Variants in SLC17A5 observed in about 807,000 individuals in gnomAD.
SLC17A5 encodes sialin.
A neutral mutation model predicts 59.4 loss-of-function variants in SLC17A5; 47 were observed. The ratio of observed to expected loss-of-function variants is 0.79; its 90% CI spans 0.63 to 1.01. The LOEUF (loss-of-function observed/expected upper bound fraction) is 1.01, where lower values mean the gene tolerates loss of function less well. SLC17A5 is among the 50% of genes least tolerant of loss of function. The pLI is 0.00. For synonymous variants in SLC17A5, 202 were observed against 210.7 expected (o/e 0.96, Z 0.36); for missense variants, 522 against 595.5 (o/e 0.88, Z 1.28).
chr6:73,607,101 C>A (rs555774607), intron 9 of SLC17A5, among the ~76,000 whole-genome samples: 2 of 152,158 alleles, frequency 1.3e-5, no homozygotes, highest in Non-Finnish European at 2.9e-5. Context: ...ACACCTGACT[C>A]AAAGTTAGCC....
intron 1 of SLC17A5, among the ~76,000 whole-genome samples, chr6:73,647,353 A>C (rs1303022839): frequency 2.6e-5 from 4 of 152,220 alleles, no homozygotes; most frequent in African/African-American, 2.4e-5. Flanking sequence ...AAGGTGGCTT[A>C]AACTACAGTG....
At chr6:73,614,260 T>C (rs1195610207) in intron 8 of SLC17A5, among the ~76,000 whole-genome samples, 1 of 151,994 alleles carries the variant, frequency 6.6e-6, no homozygotes, top group Non-Finnish European at 1.5e-5. Flanking sequence ...AGTGAGCCCC[T>C]GTCTCAAGAA....
intron 6 of SLC17A5, among the ~76,000 whole-genome samples, chr6:73,622,623 T>G (rs1038974637): frequency 1.3e-5 from 2 of 152,104 alleles, no homozygotes; most frequent in Non-Finnish European, 2.9e-5. Context: ...AGTTTCACGG[T>G]CAGATTCAGA....
intron 10 of SLC17A5, among the ~76,000 whole-genome samples, chr6:73,597,532 C>T (rs9442927): frequency 0.024 from 3,674 of 152,138 alleles, 139 homozygotes; most frequent in African/African-American, 0.083. Context: ...TGCCTGTAAT[C>T]CCAGCACTTT....
chr6:73,651,460 C>CA (rs538079302), intron 1 of SLC17A5, among the ~76,000 whole-genome samples: 4,903 of 29,146 alleles, frequency 0.17, 703 homozygotes, highest in African/African-American at 0.32. Context: ...AACTCCGTCT[C>CA]AAAAAAAAAA....
intron 1 of SLC17A5, chr6:73,645,558 G>C (rs1052909210): frequency 3.4e-6 from 3 of 878,808 alleles, no homozygotes; most frequent in Non-Finnish European, 2.7e-6. Flanking sequence ...AAGCCGAGGC[G>C]GGCGGATCAC....
rs1766720416 is a variant in SLC17A5 at position 73,594,782 on chromosome 6, T to C, written c.*295A>G. The C allele has an allele frequency of 2.7e-5, 11 of 406,444 alleles. No individual in the cohort carries two copies. Among genetic ancestry groups the C allele is most frequent in the South Asian group, 2.1e-4 (9 of 42,342 alleles). 25.2% of individuals were successfully genotyped at this position (406,444 alleles called of 1,614,324 possible). On this transcript the variant is annotated 3_prime_UTR_variant, in exon 11 of 11. Transcript: ENST00000355773. ...GTATCAGGAGGTCTGTTTCAGCTCA[T>C]TCCCTTTAGTATGGCCCTAAAAAAT...
At chr6:73,626,833 G>C (rs555848554) in intron 6 of SLC17A5, among the ~76,000 whole-genome samples, 2 of 152,214 alleles carry the variant, frequency 1.3e-5, no homozygotes, top group East Asian at 3.9e-4. Flanking sequence ...GTTCAGTGGA[G>C]CGATCTCGGC....
intron 1 of SLC17A5, chr6:73,645,605 G>A: frequency 4.5e-6 from 2 of 447,710 alleles, no homozygotes; most frequent in Non-Finnish European, 5.9e-6. Context: ...TGGCTAACTC[G>A]GTGAAACCCC....
At chr6:73,648,988 AAAT>A (rs1236630225) in intron 1 of SLC17A5, among the ~76,000 whole-genome samples, 1 of 151,154 alleles carries the variant, frequency 6.6e-6, no homozygotes, top group African/African-American at 2.4e-5. Context: ...TAATAACATA[AAAT>A]AATATATAAT....
At chr6:73,633,780 T>C (rs1768873387) in intron 6 of SLC17A5, among the ~76,000 whole-genome samples, 1 of 151,722 alleles carries the variant, frequency 6.6e-6, no homozygotes, top group African/African-American at 2.4e-5. Context: ...CTCAGGAGGC[T>C]GAGGCAGGAG....
chr6:73,636,957 G>A (rs965799067), intron 4 of SLC17A5, among the ~76,000 whole-genome samples: 3 of 151,914 alleles, frequency 2.0e-5, no homozygotes, highest in Admixed American at 6.6e-5. Context: ...GGTGATGCAC[G>A]CCTGTAGTAC....
rs58205870 is a variant in SLC17A5 at position 73,645,789 on chromosome 6, CAAAA to C, written c.95-1190_95-1187del. Among the ~76,000 whole-genome samples, 278 of 76,080 alleles carry C rather than the reference CAAAA, an allele frequency of 3.7e-3. 1 individual carries two copies. Among genetic ancestry groups the C allele is most frequent in the African/African-American group, 0.011 (252 of 22,010 alleles). 49.9% of individuals were successfully genotyped at this position (76,080 alleles called of 152,430 possible). On this transcript the variant is annotated intron_variant, in intron 1 of 10. Transcript: ENST00000355773. ...GGCGACAGAGACAGAGACTCCGTCTCAAAAAAAAAAAAAAAAAAAAAAAGAATGC... is the reference window on the plus strand; with the variant it reads ...GGCGACAGAGACAGAGACTCCGTCTCAAAAAAAAAAAAAAAAAAAGAATGC...
chr6:73,605,558 C>T (rs1874231), intron 9 of SLC17A5, among the ~76,000 whole-genome samples: 16,305 of 151,322 alleles, frequency 0.11, 1,043 homozygotes, highest in Middle Eastern at 0.18. Flanking sequence ...AAAAGAAAAA[C>T]TAAAAAGCTC....
intron 10 of SLC17A5, among the ~76,000 whole-genome samples, chr6:73,599,804 C>CTT (rs36013540): frequency 6.8e-6 from 1 of 146,742 alleles, no homozygotes; most frequent in Non-Finnish European, 1.5e-5. Context: ...TCCTGAAATT[C>CTT]TTTTTTTTTT....
chr6:73,645,263 G>T, intron 1 of SLC17A5: 2 of 959,114 alleles, frequency 2.1e-6, no homozygotes, highest in South Asian at 4.8e-5. Flanking sequence ...GGTAGGGCAT[G>T]AAATTTCTCT....
At chr6:73,651,472 A>AC (rs1328435107) in intron 1 of SLC17A5, among the ~76,000 whole-genome samples, 6 of 150,762 alleles carry the variant, frequency 4.0e-5, no homozygotes, top group Admixed American at 1.3e-4. Flanking sequence ...AAAAAAAAAA[A>AC]AAAAAAAAAA....
intron 7 of SLC17A5, among the ~76,000 whole-genome samples, chr6:73,620,920 T>G (rs190902578): frequency 3.3e-5 from 5 of 152,202 alleles, no homozygotes; most frequent in Non-Finnish European, 7.4e-5. Flanking sequence ...GAGACGGTTT[T>G]GCTGTATTAT....
At chr6:73,601,693 G>C (rs1417463767) in intron 9 of SLC17A5, among the ~76,000 whole-genome samples, 4 of 103,454 alleles carry the variant, frequency 3.9e-5, no homozygotes, top group Admixed American at 2.6e-4. Flanking sequence ...GAGGTGGGGT[G>C]GTCAGCCCCC....
Sources: allele counts gnomAD v4.1 joint callset (sites outside exome capture counted in the v4.1 genomes callset), GRCh38; gene constraint gnomAD v4.1.1; transcripts MANE v1.5; gene names NCBI Gene and HGNC (gene_info 2026-07-23, HGNC 2026-07-21).